Variants in PIP5K1B observed in about 807,000 individuals in gnomAD.
PIP5K1B encodes the protein phosphatidylinositol 4-phosphate 5-kinase type-1 beta.
In PIP5K1B, 42 loss-of-function variants were observed where a neutral mutation model predicts 67.0. That is an observed-to-expected ratio of 0.63 (90% confidence interval 0.49 to 0.81). The LOEUF is 0.81. Ranked by LOEUF, PIP5K1B falls within the 30% of genes least tolerant of loss-of-function variation. PIP5K1B has a pLI of 0.00. For missense variants in PIP5K1B, 459 were observed against 646.3 expected (o/e 0.71, Z 3.14); for synonymous variants, 214 against 231.4 (o/e 0.92, Z 0.68).
At chr9:68,774,312 G>A (rs1479976919) in intron 2 of PIP5K1B, among the ~76,000 whole-genome samples, 1 of 152,106 alleles carries the variant, frequency 6.6e-6, no homozygotes. Context: ...CTTTAGGGGT[G>A]TGTGTGTTTC....
chr9:68,788,287 TC>T, intron 2 of PIP5K1B: 1 of 617,680 alleles, frequency 1.6e-6, no homozygotes, highest in Non-Finnish European at 2.9e-6. Flanking sequence ...TCATGACTTT[TC>T]CCTCTGCAGA....
At chr9:68,750,512 C>T (rs138999500) in intron 2 of PIP5K1B, among the ~76,000 whole-genome samples, 12 of 152,102 alleles carry the variant, frequency 7.9e-5, no homozygotes, top group Non-Finnish European at 8.8e-5. Context: ...TATTTAGCAG[C>T]GTTTAGCAGG....
chr9:68,997,563 C>A (rs78157304), intron 15 of PIP5K1B, among the ~76,000 whole-genome samples: 2 of 152,112 alleles, frequency 1.3e-5, no homozygotes, highest in African/African-American at 4.8e-5. Context: ...TTCCTTCTGC[C>A]AGGTGATCAC....
In PIP5K1B at chr9:68,956,700, G is replaced by A. The variant is rs184877549; in HGVS notation, c.1502+15910G>A. ...TCTCATCACTTTCCATTGACAAGCA[G>A]CATTGAGTCCAAGTTTTACTTAGAA... is the stretch of plus-strand genomic sequence containing the variant. On this transcript the variant is annotated intron_variant, in intron 14 of 15. Coordinates refer to ENST00000265382, the MANE Select transcript of PIP5K1B (RefSeq NM_003558.4). 2.9e-3 allele frequency among the ~76,000 whole-genome samples: 441 copies of A among 152,318 alleles called. 3 individuals are homozygous for A. The highest frequency in any genetic ancestry group is 7.4e-3 in the Admixed American group (113 of 15,308).
intron 4 of PIP5K1B, 94 bp from the exon 5 acceptor site, chr9:68,863,743 A>C: frequency 9.7e-7 from 1 of 1,033,532 alleles, no homozygotes; most frequent in Non-Finnish European, 1.4e-6. Flanking sequence ...GGAGCAAGAA[A>C]GAGAATTGAA....
chr9:68,980,726 C>T (rs1045950837), intron 14 of PIP5K1B, among the ~76,000 whole-genome samples: 3 of 152,188 alleles, frequency 2.0e-5, no homozygotes, highest in Non-Finnish European at 2.9e-5. Flanking sequence ...TAATCAGAGA[C>T]GCAGAGCTTG....
At chr9:68,881,989 A>C (rs2132343426) in intron 6 of PIP5K1B, among the ~76,000 whole-genome samples, 1 of 152,298 alleles carries the variant, frequency 6.6e-6, no homozygotes, top group South Asian at 2.1e-4. Flanking sequence ...TCTCCACCAC[A>C]TGGGGCAAGT....
intron 1 of PIP5K1B, among the ~76,000 whole-genome samples, chr9:68,707,096 G>A (rs890029653): frequency 6.6e-6 from 1 of 152,136 alleles, no homozygotes; most frequent in East Asian, 1.9e-4. Context: ...TGAGTTTCAT[G>A]TGTGATCTCT....
intron 1 of PIP5K1B, among the ~76,000 whole-genome samples, chr9:68,718,614 A>G (rs1250546382): frequency 6.6e-6 from 1 of 152,196 alleles, no homozygotes; most frequent in African/African-American, 2.4e-5. Context: ...TTGCTCCTTT[A>G]ACTGCCAGCA....
intron 2 of PIP5K1B, among the ~76,000 whole-genome samples, chr9:68,748,893 T>C (rs1306030933): frequency 6.6e-6 from 1 of 152,138 alleles, no homozygotes; most frequent in Non-Finnish European, 1.5e-5. Flanking sequence ...ATTACAGGCG[T>C]GACCCACCGC....
intron 8 of PIP5K1B, among the ~76,000 whole-genome samples, chr9:68,902,389 T>C (rs1825408076): frequency 6.6e-6 from 1 of 152,248 alleles, no homozygotes; most frequent in South Asian, 2.1e-4. Flanking sequence ...AGATTGGCTT[T>C]TTTTTACTCA....
intron 14 of PIP5K1B, among the ~76,000 whole-genome samples, chr9:68,987,422 C>T (rs1027216626): frequency 2.6e-5 from 4 of 151,156 alleles, no homozygotes; most frequent in Non-Finnish European, 5.9e-5. Flanking sequence ...ATTAGCAGGG[C>T]GTGGTGGCAA....
Position 69,008,469 on chromosome 9 carries a change from A to G in PIP5K1B, c.*20A>G. ...CAGTAAGTGAAAATGGTGATCACCT[A>G]AGCACATGGATGAGACGTGAGCACA... On this transcript the variant is annotated 3_prime_UTR_variant, in exon 16 of 16. Coordinates refer to ENST00000265382, the MANE Select transcript of PIP5K1B (RefSeq NM_003558.4). The G allele has an allele frequency of 1.2e-6, 2 of 1,612,936 alleles. No individual in the cohort carries two copies. Among genetic ancestry groups the G allele is most frequent in the Non-Finnish European group, 1.7e-6 (2 of 1,178,884 alleles).
At chr9:68,864,084 G>T (rs1231403141) in intron 5 of PIP5K1B, 117 bp downstream of exon 5, 2 of 917,174 alleles carry the variant, frequency 2.2e-6, no homozygotes, top group East Asian at 5.1e-5. Context: ...TGAATATTGG[G>T]CCTTTGGCAG....
chr9:68,800,518 AC>A (rs1301134616), intron 2 of PIP5K1B, among the ~76,000 whole-genome samples: 1 of 151,956 alleles, frequency 6.6e-6, no homozygotes, highest in African/African-American at 2.4e-5. Context: ...GGCCTTGAAG[AC>A]CCATCCCAGT....
chr9:68,775,998 T>C (rs1206791514), intron 2 of PIP5K1B, among the ~76,000 whole-genome samples: 2 of 152,188 alleles, frequency 1.3e-5, no homozygotes, highest in Non-Finnish European at 2.9e-5. Flanking sequence ...GGTTATATTG[T>C]CAGGAGCAGG....
intron 4 of PIP5K1B, among the ~76,000 whole-genome samples, chr9:68,838,716 C>A (rs1392741173): frequency 6.6e-6 from 1 of 152,090 alleles, no homozygotes. Flanking sequence ...TACCTGGTAA[C>A]AAACCTGCAC....
At chr9:68,860,017 G>T (rs1033778537) in intron 4 of PIP5K1B, among the ~76,000 whole-genome samples, 1 of 152,118 alleles carries the variant, frequency 6.6e-6, no homozygotes, top group African/African-American at 2.4e-5. Context: ...AATTGAGGTA[G>T]TGTGCATTTC....
chr9:68,868,783 A>G (rs1184188065), intron 5 of PIP5K1B, among the ~76,000 whole-genome samples: 1 of 152,156 alleles, frequency 6.6e-6, no homozygotes, highest in East Asian at 1.9e-4. Flanking sequence ...GAATAATTAC[A>G]CAGCTGAGGA....
Sources: gnomAD v4.1 joint callset for allele counts (sites outside exome capture counted in the v4.1 genomes callset) on GRCh38, gnomAD v4.1.1 for gene constraint, MANE v1.5 for transcripts, NCBI Gene and HGNC (gene_info 2026-07-23, HGNC 2026-07-21) for gene names.